PTPA: variants seen among roughly 807,000 people sequenced by gnomAD.
PTPA encodes the protein protein phosphatase 2 phosphatase activator, also known as serine/threonine-protein phosphatase 2A activator.
PTPA carries 13 observed loss-of-function variants against 43.6 expected under a neutral mutation model. The observed-to-expected ratio is 0.30, with a 90% CI of 0.19 to 0.47. PTPA has a LOEUF of 0.47. PTPA is among the 20% of genes least tolerant of loss of function. The pLI is 0.99. For missense variants in PTPA, 329 were observed against 411.9 expected, an observed-to-expected ratio of 0.80 and a Z score of 1.74; for synonymous variants, 172 against 158.2, an observed-to-expected ratio of 1.09 and a Z score of -0.66.
At chr9:129,121,267 T>C (rs1849232339) in intron 2 of PTPA, among the ~76,000 whole-genome samples, 1 of 152,176 alleles carries the variant, frequency 6.6e-6, no homozygotes, top group Non-Finnish European at 1.5e-5. Flanking sequence ...AGAGTGTTGC[T>C]CATGCAGAAG....
chr9:129,138,939 G>GC (rs1850569811), intron 8 of PTPA, among the ~76,000 whole-genome samples: 1 of 152,238 alleles, frequency 6.6e-6, no homozygotes, highest in African/African-American at 2.4e-5. Context: ...CTTGGGGGCA[G>GC]CCTGGCTCAC....
intron 8 of PTPA, chr9:129,138,246 C>T (rs756338117): frequency 5.2e-5 from 9 of 171,436 alleles, no homozygotes; most frequent in South Asian, 1.4e-4. Flanking sequence ...GCCAGCCCCA[C>T]GGCTGGGTTC....
At chr9:129,137,891 T>C (rs1460178373) in intron 8 of PTPA, 199 bp downstream of exon 8, 5 of 614,870 alleles carry the variant, frequency 8.1e-6, no homozygotes, top group African/African-American at 7.4e-5. Context: ...CTCCGCCCAG[T>C]TCTCCTTCAG....
upstream of PTPA, chr9:129,111,270 G>C: frequency 1.7e-6 from 2 of 1,195,592 alleles, no homozygotes; most frequent in Non-Finnish European, 1.0e-6. Context: ...GGCGCCCGAC[G>C]TTCGGGCGGC....
rs774519615 is a variant in PTPA, at chr9:129,131,637, C to G, written c.458C>G (p.Thr153Arg). The change falls in exon 5 of 10, where the codon ACA (threonine) becomes AGA (arginine). Residue 153 changes from threonine to arginine, a missense_variant and splice_region_variant. Transcript: ENST00000393370. ...AACTCCACGCGCATTGACTACGGCACAGGTATCTGCTGCTTGTGGGGCTCT... is the reference window on the plus strand; with the variant it reads ...AACTCCACGCGCATTGACTACGGCAGAGGTATCTGCTGCTTGTGGGGCTCT... ...VGNSTRIDYGTGHEAAFAAFL... is the reference protein window; with the variant it reads ...VGNSTRIDYGRGHEAAFAAFL... 6.2e-7 allele frequency: 1 copy of G among 1,613,186 alleles called. No homozygotes were observed. Among genetic ancestry groups the G allele is most frequent in the Non-Finnish European group, 8.5e-7 (1 of 1,179,100 alleles).
chr9:129,146,990 C>G (rs989121216), intron 9 of PTPA, among the ~76,000 whole-genome samples: 2 of 152,222 alleles, frequency 1.3e-5, no homozygotes, highest in Non-Finnish European at 2.9e-5. Context: ...GGGACCCGGC[C>G]TCAGCCTCTT....
chr9:129,143,713 C>A, intron 9 of PTPA: 1 of 392,800 alleles, frequency 2.5e-6, no homozygotes, highest in African/African-American at 2.0e-5. Context: ...AGGTTCCAGC[C>A]CACATACCTC....
chr9:129,143,066 G>C (rs948809496), intron 9 of PTPA: 8 of 734,534 alleles, frequency 1.1e-5, no homozygotes, highest in Admixed American at 2.9e-5. Flanking sequence ...TGATGCAAAT[G>C]GTTTTCCCTG....
At chr9:129,114,269 C>T (rs531529120) in intron 1 of PTPA, among the ~76,000 whole-genome samples, 1 of 152,302 alleles carries the variant, frequency 6.6e-6, no homozygotes, top group East Asian at 1.9e-4. Flanking sequence ...GTAATTCACC[C>T]GCCTTGGCCA....
At chr9:129,121,302 C>T (rs1255340784) in intron 2 of PTPA, among the ~76,000 whole-genome samples, 1 of 152,192 alleles carries the variant, frequency 6.6e-6, no homozygotes, top group Non-Finnish European at 1.5e-5. Flanking sequence ...TCCTTGCATG[C>T]TGGGCAGATT....
intron 9 of PTPA, chr9:129,142,858 T>G (rs1204356387): frequency 6.6e-7 from 1 of 1,525,902 alleles, no homozygotes; most frequent in East Asian, 2.5e-5. Context: ...TCCCTTCTCC[T>G]TTATCAAGTG....
chr9:129,129,222 GT>G (rs1332460495), intron 4 of PTPA, 112 bp downstream of exon 4: 27 of 1,411,152 alleles, frequency 1.9e-5, no homozygotes, highest in Non-Finnish European at 2.4e-5. Flanking sequence ...ACAAATCTCA[GT>G]TTGTTAAAAT....
At chr9:129,114,731 G>T (rs762071327) in intron 1 of PTPA, among the ~76,000 whole-genome samples, 38 of 152,174 alleles carry the variant, frequency 2.5e-4, no homozygotes, top group Non-Finnish European at 4.7e-4. Flanking sequence ...ATACTGTGAG[G>T]TTGTTGGGAA....
intron 9 of PTPA, chr9:129,143,470 C>G (rs918393585): frequency 1.4e-6 from 1 of 702,586 alleles, no homozygotes; most frequent in East Asian, 2.7e-5. Context: ...AGGGGCTGCT[C>G]CAGGTCTTCA....
intron 8 of PTPA, chr9:129,137,958 T>G (rs1850491274): frequency 4.5e-6 from 2 of 446,102 alleles, no homozygotes; most frequent in Non-Finnish European, 8.5e-6. Flanking sequence ...GGTCACTAAC[T>G]GGCCTTGGTG....
chr9:129,144,595 CG>C (rs1459720143), intron 9 of PTPA, among the ~76,000 whole-genome samples: 1 of 151,180 alleles, frequency 6.6e-6, no homozygotes, highest in Non-Finnish European at 1.5e-5. Flanking sequence ...AAAAATTAGC[CG>C]GGCGTGGTGG....
chr9:129,141,733 C>T (rs1442011770), intron 8 of PTPA: 1 of 152,332 alleles, frequency 6.6e-6, no homozygotes, highest in Non-Finnish European at 1.5e-5. Context: ...TGGCGGCCAC[C>T]CCTTCCCCAC....
rs181943869 is a variant in PTPA, at chr9:129,125,681, A to G, written c.216+2543A>G. 1.5e-4 allele frequency among the ~76,000 whole-genome samples: 23 copies of G among 152,330 alleles called. No individual in the cohort carries two copies. The East Asian group carries it at 4.4e-3, about 29-fold the overall frequency. On this transcript the variant is annotated intron_variant, in intron 3 of 9. Transcript: ENST00000393370. The stretch of plus-strand genomic sequence containing the variant: ...TCTGTTTCCTCATCTGTAGAGTGGT[A>G]AGAGTCAGCAGACTAGTCATGGCCC...
At chr9:129,143,262 A>C (rs1851030014) in intron 9 of PTPA, 2 of 699,472 alleles carry the variant, frequency 2.9e-6, no homozygotes, top group Non-Finnish European at 5.2e-6. Flanking sequence ...AGCTCCTCCC[A>C]CTTCCTGGGA....
Sources: gnomAD v4.1 joint callset for allele counts (sites outside exome capture counted in the v4.1 genomes callset) on GRCh38, gnomAD v4.1.1 for gene constraint, MANE v1.5 for transcripts, NCBI Gene and HGNC (gene_info 2026-07-23, HGNC 2026-07-21) for gene names.